CADPS2: variants seen among roughly 807,000 people sequenced by gnomAD.
The protein encoded by CADPS2 is calcium dependent secretion activator 2, also known as calcium-dependent secretion activator 2.
A neutral mutation model predicts 172.5 loss-of-function variants in CADPS2; 93 were observed. The observed-to-expected ratio is 0.54, with a 90% CI of 0.46 to 0.64. CADPS2 has a LOEUF of 0.64. Among genes scored for constraint, CADPS2 ranks in the 30% least tolerant of loss-of-function variants. The pLI is 0.00. For missense variants in CADPS2, 1,420 were observed against 1,565.9 expected (o/e 0.91, Z 1.57); for synonymous variants, 546 against 555.2 (o/e 0.98, Z 0.23).
At chr7:122,738,211 T>G (rs2092283637) in intron 1 of CADPS2, among the ~76,000 whole-genome samples, 1 of 152,036 alleles carries the variant, frequency 6.6e-6, no homozygotes. Context: ...GCTACTTAAT[T>G]TGTAGGGCCC....
At chr7:122,446,232 C>T (rs1030291275) in intron 15 of CADPS2, among the ~76,000 whole-genome samples, 1 of 152,114 alleles carries the variant, frequency 6.6e-6, no homozygotes, top group African/African-American at 2.4e-5. Flanking sequence ...TAATCCTCTT[C>T]ATTGATCATA....
intron 6 of CADPS2, among the ~76,000 whole-genome samples, chr7:122,600,637 T>A (rs2072619076): frequency 6.6e-6 from 1 of 152,110 alleles, no homozygotes; most frequent in East Asian, 1.9e-4. Context: ...TAGTAGGGTA[T>A]ATGCTTAACA....
intron 14 of CADPS2, among the ~76,000 whole-genome samples, chr7:122,470,769 T>C (rs2055822212): frequency 6.6e-6 from 1 of 152,130 alleles, no homozygotes; most frequent in Admixed American, 6.6e-5. Context: ...GTGCTAAGAT[T>C]ACAGGTGTAA....
chr7:122,700,029 C>T, intron 2 of CADPS2, among the ~76,000 whole-genome samples: 1 of 152,088 alleles, frequency 6.6e-6, no homozygotes, highest in East Asian at 1.9e-4. Flanking sequence ...ATGTTTTTGC[C>T]ACAATCATGT....
At chr7:122,824,699 G>GT (rs1484675289) in intron 1 of CADPS2, among the ~76,000 whole-genome samples, 4 of 152,002 alleles carry the variant, frequency 2.6e-5, no homozygotes, top group Non-Finnish European at 4.4e-5. Context: ...TGCTTATGAG[G>GT]TTTTCTGCCA....
chr7:122,412,618 C>T (rs1403973030), intron 19 of CADPS2, among the ~76,000 whole-genome samples: 1 of 152,174 alleles, frequency 6.6e-6, no homozygotes, highest in African/African-American at 2.4e-5. Context: ...TACTGCCAAA[C>T]AACCTTCTTG....
chr7:122,519,656 C>T (rs2060630855), intron 8 of CADPS2, among the ~76,000 whole-genome samples: 1 of 151,914 alleles, frequency 6.6e-6, no homozygotes, highest in Admixed American at 6.6e-5. Context: ...TAAATATATT[C>T]CAGTTTCATT....
intron 8 of CADPS2, 67 bp downstream of exon 8, chr7:122,554,483 T>C (rs559875254): frequency 4.1e-6 from 6 of 1,466,168 alleles, no homozygotes; most frequent in Non-Finnish European, 5.5e-6. Context: ...CTCACTAAAC[T>C]GACAAAAATA....
intron 3 of CADPS2, among the ~76,000 whole-genome samples, chr7:122,630,952 AAT>A (rs1404178300): frequency 6.6e-6 from 1 of 152,192 alleles, no homozygotes; most frequent in African/African-American, 2.4e-5. Context: ...TTAATTGATT[AAT>A]ATGATTCAAA....
intron 1 of CADPS2, among the ~76,000 whole-genome samples, chr7:122,754,305 T>C (rs1446920168): frequency 6.6e-6 from 1 of 152,164 alleles, no homozygotes; most frequent in Non-Finnish European, 1.5e-5. Flanking sequence ...ACTTCTGCTT[T>C]TGTTTTATTT....
intron 2 of CADPS2, among the ~76,000 whole-genome samples, chr7:122,686,605 G>A (rs764441788): frequency 3.9e-5 from 6 of 152,310 alleles, no homozygotes; most frequent in Non-Finnish European, 7.3e-5. Flanking sequence ...GAGGCTGCTC[G>A]AAGATGCTTT....
At chr7:122,763,882 A>G (rs2093466773) in intron 1 of CADPS2, among the ~76,000 whole-genome samples, 1 of 152,154 alleles carries the variant, frequency 6.6e-6, no homozygotes, top group South Asian at 2.1e-4. Context: ...ACTATTTCCA[A>G]TACACTATTT....
chr7:122,724,530 T>C (rs533494703), intron 2 of CADPS2, among the ~76,000 whole-genome samples: 2 of 152,170 alleles, frequency 1.3e-5, no homozygotes, highest in South Asian at 4.1e-4. Flanking sequence ...ATAATAGTAA[T>C]AGCAGCTCAC....
intron 1 of CADPS2, among the ~76,000 whole-genome samples, chr7:122,816,350 G>T (rs68012966): frequency 0.21 from 32,654 of 151,950 alleles, 3,741 homozygotes; most frequent in Middle Eastern, 0.31. Context: ...GTGCCATCTG[G>T]GTTGTTGCAA....
At chr7:122,696,141 C>T (rs560796627) in intron 2 of CADPS2, among the ~76,000 whole-genome samples, 2 of 152,260 alleles carry the variant, frequency 1.3e-5, no homozygotes, top group South Asian at 4.1e-4. Context: ...TAACAGTGGC[C>T]AAAGAATGAC....
intron 1 of CADPS2, among the ~76,000 whole-genome samples, chr7:122,812,035 C>A (rs934313139): frequency 6.8e-6 from 1 of 147,674 alleles, no homozygotes. Context: ...TTTTTTTTTT[C>A]ACTCCTCTAT....
chr7:122,865,562 AC>A (rs1178739752), intron 1 of CADPS2, among the ~76,000 whole-genome samples: 1 of 152,136 alleles, frequency 6.6e-6, no homozygotes, highest in East Asian at 1.9e-4. Flanking sequence ...CTTGTATCTG[AC>A]TTCTGTACAA....
At chr7:122,774,734 A>G (rs978222648) in intron 1 of CADPS2, among the ~76,000 whole-genome samples, 1 of 152,152 alleles carries the variant, frequency 6.6e-6, no homozygotes, top group African/African-American at 2.4e-5. Context: ...AAATGGATGT[A>G]GGAAAGCAAA....
intron 1 of CADPS2, among the ~76,000 whole-genome samples, chr7:122,813,128 GT>G (rs201371757): frequency 0.023 from 3,552 of 152,152 alleles, 61 homozygotes; most frequent in Non-Finnish European, 0.033. Flanking sequence ...GGAAAAAAAA[GT>G]TTTTAAAAAG....
Sources: allele counts gnomAD v4.1 joint callset (sites outside exome capture counted in the v4.1 genomes callset), GRCh38; gene constraint gnomAD v4.1.1; transcripts MANE v1.5; gene names NCBI Gene and HGNC (gene_info 2026-07-23, HGNC 2026-07-21).